Variants in LOC128706666 observed in about 807,000 individuals in gnomAD.
chr20:10,426,732 T>A, the LOC128706666 span, among the ~76,000 whole-genome samples: 1 of 152,152 alleles, frequency 6.6e-6, no homozygotes. Flanking sequence ...GTCAGGTATA[T>A]AAAAGGTTAA....
the LOC128706666 span, among the ~76,000 whole-genome samples, chr20:10,430,699 T>C: frequency 6.6e-6 from 1 of 152,164 alleles, no homozygotes. Context: ...TAGGATATTA[T>C]AGGACAGATA....
the LOC128706666 span, among the ~76,000 whole-genome samples, chr20:10,431,527 A>AAAACCAAACCAAACC: frequency 7.2e-4 from 109 of 150,844 alleles, no homozygotes; most frequent in African/African-American, 2.5e-3. Flanking sequence ...ATAGGGTCAA[A>AAAACCAAACCAAACC]AAACCAAACC....
At chr20:10,422,213 A>C in the LOC128706666 span, among the ~76,000 whole-genome samples, 1 of 152,176 alleles carries the variant, frequency 6.6e-6, no homozygotes, top group African/African-American at 2.4e-5. Context: ...ATATTTTATA[A>C]GGACTTTGTG....
chr20:10,416,679 G>A, the LOC128706666 span, among the ~76,000 whole-genome samples: 1 of 152,154 alleles, frequency 6.6e-6, no homozygotes, highest in Non-Finnish European at 1.5e-5. Flanking sequence ...AATAGTTGAC[G>A]ATGGAAAGTT....
chr20:10,422,713 C>CTTT, the LOC128706666 span, among the ~76,000 whole-genome samples: 2 of 143,474 alleles, frequency 1.4e-5, no homozygotes, highest in African/African-American at 2.6e-5. Flanking sequence ...GTTATATTAT[C>CTTT]TTTTTTTTTT....
At chr20:10,416,949 C>A in the LOC128706666 span, among the ~76,000 whole-genome samples, 1 of 152,006 alleles carries the variant, frequency 6.6e-6, no homozygotes, top group East Asian at 1.9e-4. Flanking sequence ...ATCTGCAAAG[C>A]CTAAAATATT....
the LOC128706666 span, among the ~76,000 whole-genome samples, chr20:10,427,908 C>T: frequency 6.6e-6 from 1 of 152,184 alleles, no homozygotes; most frequent in Non-Finnish European, 1.5e-5. Flanking sequence ...GACCTATATC[C>T]AAGAGCTGGG....
chr20:10,424,316 G>A, the LOC128706666 span, among the ~76,000 whole-genome samples: 2 of 152,064 alleles, frequency 1.3e-5, no homozygotes, highest in Admixed American at 6.5e-5. Flanking sequence ...AGCACTCTAG[G>A]AGGCTCAGGC....
At chr20:10,426,691 G>A in the LOC128706666 span, among the ~76,000 whole-genome samples, 2 of 152,280 alleles carry the variant, frequency 1.3e-5, no homozygotes, top group African/African-American at 2.4e-5. Context: ...AGCCATGCAC[G>A]CCCCGTGGCA....
chr20:10,417,671 TAA>T, the LOC128706666 span, among the ~76,000 whole-genome samples: 26 of 150,448 alleles, frequency 1.7e-4, no homozygotes, highest in Non-Finnish European at 2.5e-4. Context: ...GCCTTCTCTG[TAA>T]AAAAAAAAAA....
At chr20:10,428,942 G>C in the LOC128706666 span, among the ~76,000 whole-genome samples, 2 of 152,084 alleles carry the variant, frequency 1.3e-5, no homozygotes, top group African/African-American at 2.4e-5. Context: ...TGTCTTTGGG[G>C]TTCTAACTTC....
the LOC128706666 span, among the ~76,000 whole-genome samples, chr20:10,425,819 C>T: frequency 1.3e-5 from 2 of 152,132 alleles, no homozygotes; most frequent in Non-Finnish European, 2.9e-5. Flanking sequence ...CCCTTCCTTA[C>T]CCTCTAATGT....
the LOC128706666 span, chr20:10,434,100 G>C: frequency 6.6e-6 from 1 of 152,570 alleles, no homozygotes; most frequent in East Asian, 1.9e-4. Context: ...GAGTCCCAGC[G>C]CTCTCACCTG....
chr20:10,427,041 C>G, the LOC128706666 span, among the ~76,000 whole-genome samples: 884 of 51,102 alleles, frequency 0.017, 15 homozygotes, highest in African/African-American at 0.038. Flanking sequence ...CACACACACA[C>G]ACACACACAC....
the LOC128706666 span, among the ~76,000 whole-genome samples, chr20:10,422,734 CAG>C: frequency 3.4e-5 from 5 of 147,280 alleles, no homozygotes; most frequent in Admixed American, 6.8e-5. Context: ...TTTTGTGAGA[CAG>C]AGTCTTGCTC....
chr20:10,430,705 A>G, the LOC128706666 span, among the ~76,000 whole-genome samples: 1 of 152,326 alleles, frequency 6.6e-6, no homozygotes, highest in African/African-American at 2.4e-5. Context: ...ATTATAGGAC[A>G]GATAACTGTC....
the LOC128706666 span, among the ~76,000 whole-genome samples, chr20:10,431,384 A>G: frequency 1.3e-5 from 2 of 152,150 alleles, no homozygotes; most frequent in Non-Finnish European, 1.5e-5. Flanking sequence ...CTTAGTGTCT[A>G]TTAGGTGCTA....
the LOC128706666 span, among the ~76,000 whole-genome samples, chr20:10,414,207 T>C: frequency 7.9e-5 from 12 of 151,790 alleles, no homozygotes; most frequent in Admixed American, 7.9e-4. Flanking sequence ...TATTTGAATA[T>C]GGCATGCTTC....
the LOC128706666 span, among the ~76,000 whole-genome samples, chr20:10,422,768 G>A: frequency 3.3e-5 from 5 of 150,424 alleles, no homozygotes; most frequent in East Asian, 9.8e-4. Context: ...CTGTAGTGCA[G>A]TGGTGCGATC....
Sources: allele counts gnomAD v4.1 joint callset (sites outside exome capture counted in the v4.1 genomes callset), GRCh38; gene constraint gnomAD v4.1.1; transcripts MANE v1.5.